The following COL25A1 variants were observed in gnomAD, a reference collection of about 807,000 sequenced individuals.
COL25A1 encodes the protein collagen alpha-1(XXV) chain.
Under a neutral mutation model 128.4 loss-of-function variants are expected in COL25A1, and 103 were observed. That is an observed-to-expected ratio of 0.80 (90% CI 0.68 to 0.94). The LOEUF is 0.94. Among genes scored for constraint, COL25A1 ranks in the 40% least tolerant of loss-of-function variants. The pLI is 0.00. For synonymous variants in COL25A1, 279 were observed against 277.2 expected, an observed-to-expected ratio of 1.01 and a Z score of -0.06; for missense variants, 745 against 840.0, an observed-to-expected ratio of 0.89 and a Z score of 1.40.
intron 3 of COL25A1, among the ~76,000 whole-genome samples, chr4:109,220,097 G>A (rs1295044493): frequency 6.6e-6 from 1 of 152,080 alleles, no homozygotes; most frequent in Non-Finnish European, 1.5e-5. Flanking sequence ...CAACTGCTTT[G>A]AGTTCTCAAT....
In COL25A1 at chr4:108,811,823, A is replaced by C. The variant is rs1349707339; in HGVS notation, c.*2104T>G. ...ATAGTTTAAACATCTTTCAACCTTA[A>C]AAATTTAATAGAAAAAAAAGAAGAT... On this transcript the variant is annotated 3_prime_UTR_variant, in exon 38 of 38. Transcript: ENST00000399132. The C allele has an allele frequency of 6.6e-6, 1 of 152,170 alleles. No homozygotes were observed. Among genetic ancestry groups the C allele is most frequent in the Non-Finnish European group, 1.5e-5 (1 of 68,000 alleles). 9.4% of individuals were successfully genotyped at this position (152,170 alleles called of 1,614,324 possible).
chr4:109,023,280 G>A (rs1193222063), intron 5 of COL25A1, among the ~76,000 whole-genome samples: 1 of 152,212 alleles, frequency 6.6e-6, no homozygotes, highest in East Asian at 1.9e-4. Context: ...ATTTGTGCAG[G>A]CTGTTGGAGT....
chr4:108,843,821 T>C (rs918284083), intron 30 of COL25A1, among the ~76,000 whole-genome samples: 1 of 152,124 alleles, frequency 6.6e-6, no homozygotes, highest in Non-Finnish European at 1.5e-5. Flanking sequence ...AATGTTCCTA[T>C]TGAACATTTC....
At chr4:108,860,378 A>T (rs1299643449) in intron 23 of COL25A1, among the ~76,000 whole-genome samples, 1 of 152,242 alleles carries the variant, frequency 6.6e-6, no homozygotes, top group Non-Finnish European at 1.5e-5. Flanking sequence ...GGTGTGAGCC[A>T]CTGCACCTGG....
At chr4:109,076,890 G>A (rs1469555064) in intron 3 of COL25A1, among the ~76,000 whole-genome samples, 2 of 152,106 alleles carry the variant, frequency 1.3e-5, no homozygotes, top group African/African-American at 4.8e-5. Context: ...GATTTGACAG[G>A]AGGTGGCGCT....
intron 6 of COL25A1, among the ~76,000 whole-genome samples, chr4:108,991,022 A>C: frequency 6.6e-6 from 1 of 152,324 alleles, no homozygotes; most frequent in East Asian, 1.9e-4. Flanking sequence ...ATTATCATTA[A>C]ATCTGAATGA....
At chr4:108,885,887 C>T (rs111590957) in intron 18 of COL25A1, among the ~76,000 whole-genome samples, 23 of 152,144 alleles carry the variant, frequency 1.5e-4, no homozygotes, top group South Asian at 2.1e-4. Context: ...CGGGTGTTCT[C>T]GTCACCTCTT....
At chr4:109,124,351 G>A (rs1322744494) in intron 3 of COL25A1, among the ~76,000 whole-genome samples, 1 of 152,038 alleles carries the variant, frequency 6.6e-6, no homozygotes, top group Admixed American at 6.6e-5. Flanking sequence ...AAATTACTCA[G>A]AGAAGGCTAG....
chr4:109,231,880 T>C (rs1027168631), intron 3 of COL25A1, among the ~76,000 whole-genome samples: 2 of 152,172 alleles, frequency 1.3e-5, no homozygotes, highest in African/African-American at 2.4e-5. Context: ...ATTAAATACT[T>C]ACACAAAATG....
intron 3 of COL25A1, among the ~76,000 whole-genome samples, chr4:109,183,297 AGAAAAAAGAGAAGACAAT>A (rs2126148599): frequency 6.6e-6 from 1 of 152,242 alleles, no homozygotes; most frequent in Admixed American, 6.5e-5. Flanking sequence ...TCTACAAAGG[AGAAAAAAGAGAAGACAAT>A]GAAAAAAGAG....
At chr4:108,942,192 G>T in intron 8 of COL25A1, 1 of 1,549,744 alleles carries the variant, frequency 6.5e-7, no homozygotes, top group Admixed American at 2.0e-5. Context: ...GTGCAGGCAT[G>T]AGTGACAACC....
At chr4:108,958,691 T>C (rs1750340053) in intron 8 of COL25A1, among the ~76,000 whole-genome samples, 1 of 152,072 alleles carries the variant, frequency 6.6e-6, no homozygotes, top group South Asian at 2.1e-4. Context: ...ACATGTTACT[T>C]AACGATGGTT....
At chr4:108,958,107 A>C (rs10016288) in intron 8 of COL25A1, among the ~76,000 whole-genome samples, 46,120 of 151,950 alleles carry the variant, frequency 0.3, 7,555 homozygotes, top group South Asian at 0.46. Context: ...GCACTCAGAT[A>C]AATTAACTTT....
chr4:108,852,952 C>T (rs1367114569), intron 24 of COL25A1, 27 bp from the exon 25 acceptor site: 1 of 1,601,494 alleles, frequency 6.2e-7, no homozygotes, highest in Admixed American at 1.7e-5. Context: ...TTGACAAAGA[C>T]AGAGTTATCT....
At chr4:109,276,131 C>A (rs935532504) in intron 3 of COL25A1, among the ~76,000 whole-genome samples, 1 of 152,124 alleles carries the variant, frequency 6.6e-6, no homozygotes, top group East Asian at 1.9e-4. Flanking sequence ...TATTTCTTGG[C>A]CAGGCGCAGT....
intron 30 of COL25A1, among the ~76,000 whole-genome samples, chr4:108,844,147 C>T (rs1734793990): frequency 6.6e-6 from 1 of 152,146 alleles, no homozygotes; most frequent in Admixed American, 6.5e-5. Flanking sequence ...CCTCGGCCTC[C>T]CAAAGTGTTG....
intron 17 of COL25A1, among the ~76,000 whole-genome samples, 161 bp from the exon 18 acceptor site, chr4:108,889,417 A>ATTT (rs34358532): frequency 3.1e-5 from 4 of 130,476 alleles, no homozygotes; most frequent in African/African-American, 1.1e-4. Context: ...AGACATACGG[A>ATTT]TTTTTTTTTT....
intron 19 of COL25A1, among the ~76,000 whole-genome samples, chr4:108,879,512 A>G (rs866718905): frequency 2.0e-5 from 3 of 152,110 alleles, no homozygotes; most frequent in African/African-American, 7.2e-5. Flanking sequence ...CAGTGGCATG[A>G]TCCCGGCTCA....
intron 3 of COL25A1, among the ~76,000 whole-genome samples, chr4:109,222,353 C>G (rs556111538): frequency 1.3e-5 from 2 of 151,886 alleles, no homozygotes; most frequent in Non-Finnish European, 2.9e-5. Flanking sequence ...TGAGCCACAG[C>G]GCCTGGCCAA....
Sources: allele counts gnomAD v4.1 joint callset (sites outside exome capture counted in the v4.1 genomes callset), GRCh38; gene constraint gnomAD v4.1.1; transcripts MANE v1.5; gene names NCBI Gene and HGNC (gene_info 2026-07-23, HGNC 2026-07-21).